PACS2: variants seen among roughly 807,000 people sequenced by gnomAD.
PACS2 encodes the protein PACS1-like protein.
Under a neutral mutation model 113.0 loss-of-function variants are expected in PACS2, and 36 were observed. That is an observed-to-expected ratio of 0.32 (90% CI 0.24 to 0.42). The LOEUF (loss-of-function observed/expected upper bound fraction) is 0.42. PACS2 is among the 10% of genes least tolerant of loss of function. The pLI is 1.00. For synonymous variants in PACS2, 589 were observed against 536.1 expected (o/e 1.10, Z -1.36); for missense variants, 1,015 against 1,239.5 (o/e 0.82, Z 2.72).
At chr14:105,302,146 C>CAA (rs377143444) in intron 1 of PACS2, among the ~76,000 whole-genome samples, 1 of 116,590 alleles carries the variant, frequency 8.6e-6, no homozygotes, top group Non-Finnish European at 1.8e-5. Flanking sequence ...AACTCTGTCT[C>CAA]AAAAAAAAAA....
chr14:105,336,123 C>A (rs1431817187), intron 1 of PACS2, among the ~76,000 whole-genome samples: 2 of 152,226 alleles, frequency 1.3e-5, no homozygotes, highest in Non-Finnish European at 1.5e-5. Flanking sequence ...AAGGGGGCAG[C>A]TCCTGGAGAC....
At chr14:105,325,207 G>T (rs1216238051) in intron 1 of PACS2, among the ~76,000 whole-genome samples, 6 of 149,514 alleles carry the variant, frequency 4.0e-5, no homozygotes, top group African/African-American at 1.5e-4. Context: ...GGAGGGGTCA[G>T]TGCTGTGGCT....
At chr14:105,331,941 C>T (rs903710321) in intron 1 of PACS2, among the ~76,000 whole-genome samples, 13 of 152,282 alleles carry the variant, frequency 8.5e-5, no homozygotes, top group African/African-American at 2.2e-4. Context: ...GGTACTTTGA[C>T]GATTGTTTTA....
chr14:105,359,011 C>T (rs587761343), intron 4 of PACS2, among the ~76,000 whole-genome samples: 8 of 152,320 alleles, frequency 5.3e-5, no homozygotes, highest in African/African-American at 1.9e-4. Context: ...ATCGTAACAC[C>T]ATAGCACAGT....
chr14:105,381,870 G>A (rs1443890826), intron 12 of PACS2, 44 bp from the exon 13 acceptor site: 6 of 1,527,548 alleles, frequency 3.9e-6, no homozygotes, highest in Non-Finnish European at 2.6e-6. Context: ...CCCTGTTCCT[G>A]TTCCTGCTGC....
intron 16 of PACS2, 107 bp downstream of exon 16, chr14:105,383,620 CGCGGTGTGTCGTGGT>C: frequency 2.8e-6 from 3 of 1,085,080 alleles, no homozygotes; most frequent in Non-Finnish European, 3.9e-6. Flanking sequence ...CGTGGCGTGG[CGCGGTGTGTCGTGGT>C]GTGGCGCGGT....
At chr14:105,337,995 TC>T (rs2059589383) in intron 1 of PACS2, among the ~76,000 whole-genome samples, 1 of 152,138 alleles carries the variant, frequency 6.6e-6, no homozygotes, top group African/African-American at 2.4e-5. Context: ...AGTTTCAGTC[TC>T]CCAGAGAGCA....
rs1298480310 is a variant in PACS2, at chr14:105,357,977, A to G, written c.423+2800A>G. Among the ~76,000 whole-genome samples the G allele has an allele frequency of 6.6e-6, 1 of 152,030 alleles. No homozygotes were observed. Among genetic ancestry groups the G allele is most frequent in the Non-Finnish European group, 1.5e-5 (1 of 67,988 alleles). The stretch of plus-strand genomic sequence containing the variant: ...TGTGGTGGGAGAGGATGTGGGGGGC[A>G]CCTGCCCAGGACCTCCAGGCTGTGG... On this transcript the variant is annotated intron_variant, in intron 4 of 24. Coordinates refer to ENST00000447393, the MANE Select transcript of PACS2 (RefSeq NM_001100913.3). This position sits in a 1 kb window ranked among gnomAD's most constrained non-coding sequence, Gnocchi z 5.1.
rs1555403248 is a variant in PACS2 at position 105,348,939 on chromosome 14, G to T, written c.207+359G>T. ...CTGCCCACTTTTTGTGGGGTGGAGGGCGTCGGTGGGAGAGGGGAGCAGGGC... is the reference window on the plus strand; with the variant it reads ...CTGCCCACTTTTTGTGGGGTGGAGGTCGTCGGTGGGAGAGGGGAGCAGGGC... On this transcript the variant is annotated intron_variant, in intron 2 of 24. Transcript: ENST00000447393. The surrounding 1 kb of genome is among the most constrained non-coding windows in gnomAD (Gnocchi z 6.4). Among the ~76,000 whole-genome samples the T allele has an allele frequency of 6.6e-6, 1 of 152,200 alleles. No individual in the cohort carries two copies. The highest frequency in any genetic ancestry group is 1.9e-4 in the East Asian group (1 of 5,196).
intron 8 of PACS2, 116 bp downstream of exon 8, chr14:105,370,016 A>G (rs1162717012): frequency 2.2e-6 from 2 of 904,574 alleles, no homozygotes; most frequent in East Asian, 2.7e-5. Context: ...CACCGTCTGC[A>G]CGGCCCCGCC....
At chr14:105,362,431 G>A (rs9672141) in intron 4 of PACS2, among the ~76,000 whole-genome samples, 16,208 of 146,234 alleles carry the variant, frequency 0.11, 3,245 homozygotes, top group African/African-American at 0.4. Context: ...AAAAAAAAAA[G>A]AAAAGAAAAA....
In PACS2 at chr14:105,391,201, T is replaced by C; in HGVS notation, c.2077-6T>C. The C allele has an allele frequency of 6.2e-7, 1 of 1,612,218 alleles. No homozygotes were observed. The highest frequency in any genetic ancestry group is 8.5e-7 in the Non-Finnish European group (1 of 1,178,516). On this transcript the variant is annotated splice_region_variant and splice_polypyrimidine_tract_variant and intron_variant, in intron 20 of 24. Coordinates refer to ENST00000447393, the MANE Select transcript of PACS2 (RefSeq NM_001100913.3). ...CTTTCACCAGCCAGTGCCTGTTGTT[T>C]TCTAGGTTGTGAAGGTTGGAATTGT...
At position 105,358,053 on chromosome 14, in the gene PACS2, A is replaced by G. The variant is rs187111319; in HGVS notation, c.423+2876A>G. Reference sequence around the variant, plus strand: ...GGACACAGGTGTCATCTCCCTTCAAATGGGTGCACACGCAGGGGGCAGGAG... The same window carrying G: ...GGACACAGGTGTCATCTCCCTTCAAGTGGGTGCACACGCAGGGGGCAGGAG... On this transcript the variant is annotated intron_variant, in intron 4 of 24. Transcript: ENST00000447393. The surrounding 1 kb of genome is among the most constrained non-coding windows in gnomAD (Gnocchi z 4.9). Among the ~76,000 whole-genome samples the G allele has an allele frequency of 2.0e-4, 31 of 152,236 alleles. No homozygotes were observed. Among genetic ancestry groups the G allele is most frequent in the Admixed American group, 1.1e-3 (17 of 15,300 alleles).
At chr14:105,341,741 GT>G (rs1250979174) in intron 1 of PACS2, among the ~76,000 whole-genome samples, 5 of 152,336 alleles carry the variant, frequency 3.3e-5, no homozygotes, top group South Asian at 2.1e-4. Context: ...GTCTTGCCGT[GT>G]TGCCCAGGCT....
chr14:105,385,915 G>T (rs782021592), intron 19 of PACS2, among the ~76,000 whole-genome samples, 198 bp downstream of exon 19: 1 of 152,298 alleles, frequency 6.6e-6, no homozygotes, highest in East Asian at 1.9e-4. Flanking sequence ...TTTTGCTGAC[G>T]TGGACCCTTT....
intron 1 of PACS2, among the ~76,000 whole-genome samples, chr14:105,331,769 T>A (rs2059311441): frequency 6.6e-6 from 1 of 152,362 alleles, no homozygotes; most frequent in South Asian, 2.1e-4. Flanking sequence ...TTGCTGCTAC[T>A]TTGCTCACCT....
chr14:105,325,547 C>T (rs746915595), intron 1 of PACS2, among the ~76,000 whole-genome samples: 1 of 152,228 alleles, frequency 6.6e-6, no homozygotes, highest in African/African-American at 2.4e-5. Context: ...CAGCTGGCAG[C>T]AGCCGCCACG....
intron 8 of PACS2, among the ~76,000 whole-genome samples, chr14:105,373,208 GT>G (rs1181976159): frequency 6.6e-6 from 1 of 152,238 alleles, no homozygotes; most frequent in Non-Finnish European, 1.5e-5. Flanking sequence ...TCCCAGCTGT[GT>G]TTTTGTAGAA....
At chr14:105,312,910 T>C (rs1444109284), upstream of PACS2, among the ~76,000 whole-genome samples, 1 of 152,218 alleles carries the variant, frequency 6.6e-6, no homozygotes, top group Non-Finnish European at 1.5e-5. Flanking sequence ...CGGGCCACTC[T>C]GGTACAGACT....
Sources: allele counts gnomAD v4.1 joint callset (sites outside exome capture counted in the v4.1 genomes callset), GRCh38; gene constraint gnomAD v4.1.1; non-coding constraint Gnocchi (gnomAD v3.1); transcripts MANE v1.5; gene names NCBI Gene and HGNC (gene_info 2026-07-23, HGNC 2026-07-21).